The following ROBO1 variants were observed in gnomAD, a reference collection of about 807,000 sequenced individuals.
ROBO1 encodes the protein roundabout homolog 1.
ROBO1 carries 149 observed loss-of-function variants against 195.9 expected under a neutral mutation model. The ratio of observed to expected loss-of-function variants is 0.76; its 90% CI spans 0.67 to 0.87. The LOEUF is 0.87. Ranked by LOEUF, ROBO1 falls within the 40% of genes least tolerant of loss-of-function variation. The pLI, the probability that ROBO1 is intolerant of heterozygous loss-of-function variation, is 0.00. For missense variants in ROBO1, 1,933 were observed against 2,068.3 expected, an observed-to-expected ratio of 0.93 and a Z score of 1.27; for synonymous variants, 816 against 733.2, an observed-to-expected ratio of 1.11 and a Z score of -1.82.
chr3:79,019,001 C>G, intron 3 of ROBO1: 1 of 990,296 alleles, frequency 1.0e-6, no homozygotes. Flanking sequence ...GGAGGAAGGG[C>G]TCGGGGTGCC....
intron 2 of ROBO1, among the ~76,000 whole-genome samples, chr3:79,360,465 G>T (rs142981538): frequency 0.01 from 1,558 of 151,750 alleles, 21 homozygotes; most frequent in African/African-American, 0.034. Flanking sequence ...AATAAAAAAA[G>T]AAAATAAAAT....
intron 3 of ROBO1, among the ~76,000 whole-genome samples, chr3:79,041,708 CAGAT>C (rs1042663960): frequency 2.0e-5 from 3 of 152,052 alleles, no homozygotes; most frequent in African/African-American, 7.2e-5. Context: ...TTATCCCACA[CAGAT>C]AGCCCTTAAT....
At chr3:79,519,136 G>A in intron 2 of ROBO1, among the ~76,000 whole-genome samples, 1 of 152,108 alleles carries the variant, frequency 6.6e-6, no homozygotes, top group East Asian at 1.9e-4. Flanking sequence ...TCCTCAGCCT[G>A]GATTCTGGAA....
At chr3:79,467,445 A>C (rs1413867994) in intron 2 of ROBO1, among the ~76,000 whole-genome samples, 1 of 151,358 alleles carries the variant, frequency 6.6e-6, no homozygotes, top group Non-Finnish European at 1.5e-5. Context: ...CATAAACCCC[A>C]AACACCAGGC....
At chr3:78,858,384 C>A (rs2034579688) in intron 4 of ROBO1, among the ~76,000 whole-genome samples, 1 of 152,024 alleles carries the variant, frequency 6.6e-6, no homozygotes, top group African/African-American at 2.4e-5. Context: ...CTAGCCCAAA[C>A]AATGTCATGA....
intron 4 of ROBO1, among the ~76,000 whole-genome samples, chr3:78,820,749 C>T (rs1258736207): frequency 1.3e-5 from 2 of 152,180 alleles, no homozygotes; most frequent in African/African-American, 4.8e-5. Context: ...TATATTAAAA[C>T]TGCTACAAAT....
At chr3:78,917,750 C>G (rs1203046786) in intron 4 of ROBO1, among the ~76,000 whole-genome samples, 1 of 152,184 alleles carries the variant, frequency 6.6e-6, no homozygotes, top group Non-Finnish European at 1.5e-5. Context: ...ACATATTGCT[C>G]ACTCAGCTTT....
chr3:79,139,775 A>C (rs936189230), intron 2 of ROBO1, among the ~76,000 whole-genome samples: 1 of 151,812 alleles, frequency 6.6e-6, no homozygotes, highest in African/African-American at 2.4e-5. Context: ...TATTCTCTCC[A>C]CCCACTTTGC....
chr3:79,172,869 A>G (rs757593121), intron 2 of ROBO1, among the ~76,000 whole-genome samples: 7 of 152,146 alleles, frequency 4.6e-5, no homozygotes, highest in Non-Finnish European at 8.8e-5. Context: ...TTTACATTTA[A>G]TACTTAGGGT....
chr3:79,470,616 C>T (rs1041642157), intron 2 of ROBO1, among the ~76,000 whole-genome samples: 10 of 152,144 alleles, frequency 6.6e-5, no homozygotes, highest in Admixed American at 2.0e-4. Context: ...AAAGATGGGG[C>T]CAGGTGGACA....
intron 1 of ROBO1, among the ~76,000 whole-genome samples, chr3:79,700,291 GTGTGTGTGTGTT>G (rs1408863874): frequency 2.2e-5 from 3 of 136,522 alleles, no homozygotes; most frequent in African/African-American, 5.7e-5. Flanking sequence ...ATGAACACGT[GTGTGTGTGTGTT>G]TGTGTGTGTG....
chr3:78,772,152 T>A (rs1431181197), intron 4 of ROBO1, among the ~76,000 whole-genome samples: 3 of 152,164 alleles, frequency 2.0e-5, no homozygotes, highest in African/African-American at 7.2e-5. Flanking sequence ...GCTTAAAAAA[T>A]GTCATTTATG....
At chr3:78,663,294 C>T (rs1452229374) in intron 14 of ROBO1, among the ~76,000 whole-genome samples, 2 of 151,164 alleles carry the variant, frequency 1.3e-5, no homozygotes, top group East Asian at 3.9e-4. Flanking sequence ...TGTTTTTATA[C>T]TTAACCTAGA....
chr3:79,591,295 A>G (rs1220118409), intron 1 of ROBO1, among the ~76,000 whole-genome samples: 2 of 151,838 alleles, frequency 1.3e-5, no homozygotes, highest in African/African-American at 4.8e-5. Context: ...GGACATAGCT[A>G]TTTTGTCTAT....
rs1947613685 is a variant in ROBO1 at position 79,701,219 on chromosome 3, T to C, written c.-51+66533A>G. On this transcript the variant is annotated intron_variant, in intron 1 of 30. Transcript: ENST00000464233. ...TATACTGGTACCATGCTGTTTTGGT[T>C]ACTGTGGCCTTATAGTGTAGTCTGA... Among the ~76,000 whole-genome samples, 10 of 151,862 alleles carry C rather than the reference T, an allele frequency of 6.6e-5. No individual in the cohort carries two copies. In the Admixed American group the frequency reaches 6.6e-4, roughly 10 times the overall value.
At chr3:79,317,617 T>G (rs2033794015) in intron 2 of ROBO1, among the ~76,000 whole-genome samples, 1 of 152,184 alleles carries the variant, frequency 6.6e-6, no homozygotes, top group Non-Finnish European at 1.5e-5. Context: ...TCTGTTACCG[T>G]GTATCTTGAT....
chr3:79,689,303 T>C (rs559174393), intron 1 of ROBO1, among the ~76,000 whole-genome samples: 3 of 152,144 alleles, frequency 2.0e-5, no homozygotes, highest in South Asian at 4.2e-4. Context: ...TGTTTTATTG[T>C]GAAATAATTA....
At chr3:79,671,159 A>T (rs1167111838) in intron 1 of ROBO1, among the ~76,000 whole-genome samples, 2 of 151,884 alleles carry the variant, frequency 1.3e-5, no homozygotes, top group African/African-American at 2.4e-5. Flanking sequence ...CACCTGTAAC[A>T]TGCTCATTGG....
intron 3 of ROBO1, among the ~76,000 whole-genome samples, chr3:79,054,086 C>G (rs1204550284): frequency 6.6e-6 from 1 of 152,036 alleles, no homozygotes; most frequent in African/African-American, 2.4e-5. Context: ...AATTCCATAC[C>G]TGGTAGTCAG....
Sources: allele counts gnomAD v4.1 joint callset (sites outside exome capture counted in the v4.1 genomes callset), GRCh38; gene constraint gnomAD v4.1.1; transcripts MANE v1.5; gene names NCBI Gene and HGNC (gene_info 2026-07-23, HGNC 2026-07-21).